CNDP1: variants seen among roughly 807,000 people sequenced by gnomAD.
CNDP1 encodes beta-Ala-His dipeptidase.
A neutral mutation model predicts 58.1 loss-of-function variants in CNDP1; 44 were observed. That is an observed-to-expected ratio of 0.76 (90% CI 0.60 to 0.97). The LOEUF (loss-of-function observed/expected upper bound fraction) is 0.97, where lower values mean the gene tolerates loss of function less well. CNDP1 is among the 50% of genes least tolerant of loss of function. CNDP1 has a pLI of 0.00. For missense variants in CNDP1, 616 were observed against 655.1 expected, an observed-to-expected ratio of 0.94 and a Z score of 0.65; for synonymous variants, 254 against 252.6, an observed-to-expected ratio of 1.01 and a Z score of -0.05.
At chr18:74,568,197 G>C (rs7506258) in intron 6 of CNDP1, among the ~76,000 whole-genome samples, 130,284 of 152,238 alleles carry the variant, frequency 0.86, 56,214 homozygotes, top group East Asian at 1. Flanking sequence ...AATCCATGCT[G>C]TATCCAATCC....
intron 5 of CNDP1, among the ~76,000 whole-genome samples, chr18:74,564,416 C>T (rs936325271): frequency 1.3e-5 from 2 of 152,096 alleles, no homozygotes. Context: ...TAGAAAAAAA[C>T]TCAAGTTCCA....
chr18:74,545,758 C>T lies in CNDP1; in HGVS notation c.25-10580C>T, dbSNP rs569235639. On this transcript the variant is annotated intron_variant, in intron 1 of 11. Transcript: ENST00000358821. The surrounding 1 kb of genome is among the most constrained non-coding windows in gnomAD (Gnocchi z 4.1). ...TGCAGGTATTCTGTAAATATCCTATCGACACTTTTACACAAAAATCACTCA... is the reference window on the plus strand; with the variant it reads ...TGCAGGTATTCTGTAAATATCCTATTGACACTTTTACACAAAAATCACTCA... Among the ~76,000 whole-genome samples, 3 of 152,234 alleles carry T rather than the reference C, an allele frequency of 2.0e-5. No homozygotes were observed. The highest frequency in any genetic ancestry group is 4.1e-4 in the South Asian group (2 of 4,820).
chr18:74,546,272 G>A (rs549668788), intron 1 of CNDP1, among the ~76,000 whole-genome samples: 1 of 152,286 alleles, frequency 6.6e-6, no homozygotes, highest in East Asian at 1.9e-4. Context: ...ACTGTGGGGA[G>A]TAAAAGTGTC....
At chr18:74,562,995 A>G (rs10469124) in intron 5 of CNDP1, among the ~76,000 whole-genome samples, 15,495 of 152,108 alleles carry the variant, frequency 0.1, 1,131 homozygotes, top group African/African-American at 0.21. Context: ...CCTGTCCTGG[A>G]CGCCGCCTCA....
chr18:74,546,770 A>G (rs1409005521), intron 1 of CNDP1, among the ~76,000 whole-genome samples: 1 of 152,196 alleles, frequency 6.6e-6, no homozygotes, highest in Non-Finnish European at 1.5e-5. Flanking sequence ...CTCAGCGTTC[A>G]AGGAGCAGCT....
At chr18:74,571,576 A>C (rs1981481291) in intron 7 of CNDP1, among the ~76,000 whole-genome samples, 1 of 151,576 alleles carries the variant, frequency 6.6e-6, no homozygotes. Context: ...GGCCACCCTG[A>C]CTCCCTTACT....
At chr18:74,574,127 G>T (rs1981569429) in intron 7 of CNDP1, among the ~76,000 whole-genome samples, 1 of 152,228 alleles carries the variant, frequency 6.6e-6, no homozygotes, top group South Asian at 2.1e-4. Flanking sequence ...TGACAAGCAG[G>T]CATACACACT....
intron 1 of CNDP1, among the ~76,000 whole-genome samples, chr18:74,551,321 G>A (rs1396395060): frequency 6.6e-6 from 1 of 150,770 alleles, no homozygotes; most frequent in Non-Finnish European, 1.5e-5. Flanking sequence ...TACAAGAATA[G>A]CCTAATACAG....
rs796314871 is a variant in CNDP1 at position 74,579,223 on chromosome 18, C to G, written c.1167+896C>G. ...CCCTTGCCTTCCCTTCCCTTCCCTT[C>G]CCTTCCCTCACCTCCCCTCTCCTTT... is the stretch of plus-strand genomic sequence containing the variant. On this transcript the variant is annotated intron_variant, in intron 9 of 11. Transcript: ENST00000358821. 4.1e-3 allele frequency among the ~76,000 whole-genome samples: 486 copies of G among 117,590 alleles called. 5 individuals carry two copies. Among genetic ancestry groups the G allele is most frequent in the East Asian group, 0.026 (94 of 3,622 alleles). The allele number at this position is 117,590 out of a possible 152,430, so 77.1% of individuals were successfully genotyped here.
In CNDP1 at chr18:74,585,434, G is replaced by A. The variant is rs1981886221; in HGVS notation, c.*872G>A. 6.6e-6 allele frequency: 1 copy of A among 152,192 alleles called. No individual in the cohort carries two copies. The highest frequency in any genetic ancestry group is 2.4e-5 in the African/African-American group (1 of 41,462). The allele number at this position is 152,192 out of a possible 1,614,324, so 9.4% of individuals were successfully genotyped here. A position where few individuals can be genotyped will look rare whatever the true frequency, so the allele number is the denominator to read the frequency against. ...AAAGCTTTTAATAGCATCAGTTTTA[G>A]ATAGAGAACTAATCAACCCTGACAT... On this transcript the variant is annotated 3_prime_UTR_variant, in exon 12 of 12. Transcript: ENST00000358821.
chr18:74,567,862 G>A (rs578106066), intron 6 of CNDP1, among the ~76,000 whole-genome samples: 3 of 152,338 alleles, frequency 2.0e-5, no homozygotes, highest in African/African-American at 7.2e-5. Context: ...CACAGGGAAA[G>A]AGAAGGAACA....
chr18:74,538,168 C>A (rs1320735101), intron 1 of CNDP1, among the ~76,000 whole-genome samples: 1 of 152,186 alleles, frequency 6.6e-6, no homozygotes, highest in East Asian at 1.9e-4. Context: ...AAACCCATAC[C>A]CTTTAGCTAT....
chr18:74,583,310 AAATCTTTTTT>A (rs1307768012), intron 10 of CNDP1, among the ~76,000 whole-genome samples: 2 of 152,144 alleles, frequency 1.3e-5, no homozygotes, highest in African/African-American at 4.8e-5. Flanking sequence ...CCTGGCTCTA[AAATCTTTTTT>A]AAAGTAGGTA....
At chr18:74,573,580 TAA>T (rs1981553608) in intron 7 of CNDP1, among the ~76,000 whole-genome samples, 1 of 152,366 alleles carries the variant, frequency 6.6e-6, no homozygotes, top group African/African-American at 2.4e-5. Context: ...CATTTTCCCT[TAA>T]AGAGTTTAAA....
intron 4 of CNDP1, chr18:74,561,316 C>T: frequency 4.1e-6 from 1 of 241,972 alleles, no homozygotes. Flanking sequence ...CTTGGGAGAC[C>T]AAGGCAGAAT....
At chr18:74,551,916 A>C (rs1390863323) in intron 1 of CNDP1, among the ~76,000 whole-genome samples, 1 of 151,672 alleles carries the variant, frequency 6.6e-6, no homozygotes, top group African/African-American at 2.4e-5. Flanking sequence ...TGCGAAAAAA[A>C]AAAACAAAAA....
chr18:74,559,532 C>G lies in CNDP1; in HGVS notation c.303+60C>G, dbSNP rs1339401404. 5.2e-6 allele frequency: 8 copies of G among 1,527,042 alleles called. No individual in the cohort carries two copies. The East Asian group carries it at 1.8e-4, about 35-fold the overall frequency. The allele number at this position is 1,527,042 out of a possible 1,614,324, so 94.6% of individuals were successfully genotyped here. ...TACTTCTAGACGTCAGTCATGCCTT[C>G]CCGGGGGTGGCAAGGGAGAGGCTCA... On this transcript the variant is annotated intron_variant, in intron 3 of 11. Transcript: ENST00000358821.
intron 1 of CNDP1, among the ~76,000 whole-genome samples, chr18:74,549,052 GCCCCAAGAATACTCA>G (rs1980832816): frequency 6.6e-6 from 1 of 152,208 alleles, no homozygotes; most frequent in African/African-American, 2.4e-5. Flanking sequence ...TTTCCTGGTT[GCCCCAAGAATACTCA>G]CCAGTGGCAC....
At chr18:74,570,343 A>T (rs1981448645) in intron 6 of CNDP1, among the ~76,000 whole-genome samples, 1 of 152,164 alleles carries the variant, frequency 6.6e-6, no homozygotes, top group Non-Finnish European at 1.5e-5. Context: ...CGGGTGGTCC[A>T]GTGGTCTTGT....
Sources: allele counts gnomAD v4.1 joint callset (sites outside exome capture counted in the v4.1 genomes callset), GRCh38; gene constraint gnomAD v4.1.1; non-coding constraint Gnocchi (gnomAD v3.1); transcripts MANE v1.5; gene names NCBI Gene and HGNC (gene_info 2026-07-23, HGNC 2026-07-21).